BUD13: variants seen among roughly 807,000 people sequenced by gnomAD.
BUD13 encodes BUD13 homolog.
Under a neutral mutation model 62.5 loss-of-function variants are expected in BUD13, and 47 were observed. The ratio of observed to expected loss-of-function variants is 0.75; its 90% CI spans 0.60 to 0.96. BUD13 has a LOEUF of 0.96. Among genes scored for constraint, BUD13 ranks in the 40% least tolerant of loss-of-function variants. BUD13 has a pLI of 0.00. For synonymous variants in BUD13, 293 were observed against 280.1 expected (o/e 1.05, Z -0.46); for missense variants, 821 against 790.9 (o/e 1.04, Z -0.46).
In BUD13 at chr11:116,759,130, A is replaced by T. The variant is rs774295403; in HGVS notation, c.1304T>A (p.Ile435Lys). Residue 435 changes from isoleucine (I) to lysine (K), a missense_variant, in exon 6 of 10, where the codon ATA (isoleucine) becomes AAA (lysine). Coordinates refer to ENST00000260210, the MANE Select transcript of BUD13 (RefSeq NM_032725.4). Reference protein sequence around the residue: ...GAKTGLVLTDIQREQQELKEQ... With the variant: ...GAKTGLVLTDKQREQQELKEQ... Reference sequence around the variant, plus strand: ...CTTGAGCTCCTGCTGTTCTCGCTGTATGTCAGTTAACACCAACCCAGTTTT... The same window carrying T: ...CTTGAGCTCCTGCTGTTCTCGCTGTTTGTCAGTTAACACCAACCCAGTTTT... 3.5e-5 allele frequency: 57 copies of T among 1,613,952 alleles called. No homozygotes were observed. Among genetic ancestry groups the T allele is most frequent in the Non-Finnish European group, 4.6e-5 (54 of 1,180,024 alleles).
At chr11:116,759,293 A>C in intron 5 of BUD13, 114 bp from the exon 6 acceptor site, 2 of 663,146 alleles carry the variant, frequency 3.0e-6, no homozygotes, top group Non-Finnish European at 5.4e-6. Context: ...TAAACCTAAA[A>C]CTCTAGCTTT....
intron 2 of BUD13, among the ~76,000 whole-genome samples, chr11:116,766,461 A>G (rs1458588862): frequency 6.6e-6 from 1 of 152,144 alleles, no homozygotes; most frequent in Non-Finnish European, 1.5e-5. Flanking sequence ...TCTTCATATA[A>G]CCCAGTTTTG....
rs113542136 is a variant in BUD13 at position 116,760,838 on chromosome 11, C to T, written c.1151G>A (p.Arg384Gln). Residue 384 changes from arginine (R) to glutamine (Q), a missense_variant, in exon 5 of 10, where the codon CGG (arginine) becomes CAG (glutamine). Transcript: ENST00000260210. ...TGGAGAGAGGTCAGAATCAGAGCTC[C>T]GGTGTCTAGGTCTATTCCGTGGAGG... ...LSPPRNRPRHRSSDSDLSPPR... is the reference protein window; with the variant it reads ...LSPPRNRPRHQSSDSDLSPPR... 2.4e-5 allele frequency: 38 copies of T among 1,614,086 alleles called. No homozygotes were observed. In the Admixed American group the frequency reaches 2.5e-4, roughly 11 times the overall value.
Position 116,748,449 on chromosome 11 carries a change from C to A in BUD13, c.*33G>T. On this transcript the variant is annotated 3_prime_UTR_variant, in exon 10 of 10. Transcript: ENST00000260210. The stretch of plus-strand genomic sequence containing the variant: ...ATATCTCGCTGCCTATGCCCACTAC[C>A]ACAGCCCAGCCACCCCCACAGCCTC... 1.2e-6 allele frequency: 2 copies of A among 1,601,488 alleles called. No individual in the cohort carries two copies. Among genetic ancestry groups the A allele is most frequent in the Non-Finnish European group, 1.7e-6 (2 of 1,168,500 alleles).
At chr11:116,752,691 CG>C (rs1940258153) in intron 9 of BUD13, among the ~76,000 whole-genome samples, 1 of 152,168 alleles carries the variant, frequency 6.6e-6, no homozygotes, top group African/African-American at 2.4e-5. Context: ...GAACTGCAAA[CG>C]GAACTAGTAA....
rs1940368351 is a variant in BUD13 at position 116,758,318 on chromosome 11, C to T, written c.1450G>A (p.Ala484Thr). The T allele has an allele frequency of 6.2e-7, 1 of 1,614,206 alleles. No homozygotes were observed. The highest frequency in any genetic ancestry group is 8.5e-7 in the Non-Finnish European group (1 of 1,180,046). ...KLERLEQRRK[A>T]EKDSERDELY... ...TCATCTCTCTCTGAGTCCTTTTCTG[C>T]TTTCCTCCTTTGCTCTAAACGTTCG... is the stretch of plus-strand genomic sequence containing the variant. Residue 484 changes from alanine to threonine, a missense_variant, in exon 7 of 10, where the codon GCA (alanine) becomes ACA (threonine). By Grantham distance (58) the Ala-to-Thr change is moderately conservative. Coordinates refer to ENST00000260210, the MANE Select transcript of BUD13 (RefSeq NM_032725.4).
Position 116,763,096 on chromosome 11 carries a change from G to A in BUD13, c.493C>T (p.Leu165Phe). ...TCTGAGTCATGACGAGCCCCTCTGA[G>A]GGGAGAAGGATCCGGGGTGTCATGA... ...ARHDTPDPSP[L>F]RGARHDSDTS... The change falls in exon 4 of 10, where the codon CTC (leucine) becomes TTC (phenylalanine). Residue 165 changes from leucine (L) to phenylalanine (F), a missense_variant. By Grantham distance (22) the Leu-to-Phe change is conservative (BLOSUM62 0). Around this residue, in one of 2 missense-constraint regions of BUD13, gnomAD observed 800 missense variants for 739.2 expected, o/e 1.08. Coordinates refer to ENST00000260210, the MANE Select transcript of BUD13 (RefSeq NM_032725.4). 2 of 1,580,836 alleles carry A rather than the reference G, an allele frequency of 1.3e-6. No homozygotes were observed. Among genetic ancestry groups the A allele is most frequent in the Non-Finnish European group, 1.7e-6 (2 of 1,157,526 alleles).
At chr11:116,748,674 A>G in intron 9 of BUD13, 99 bp from the exon 10 acceptor site, 1 of 1,215,660 alleles carries the variant, frequency 8.2e-7, no homozygotes, top group Non-Finnish European at 1.2e-6. Context: ...AAGGGGGGAA[A>G]GTAAGGAGTC....
intron 7 of BUD13, 150 bp from the exon 8 acceptor site, chr11:116,758,100 T>C: frequency 7.2e-7 from 1 of 1,394,882 alleles, no homozygotes; most frequent in Non-Finnish European, 9.8e-7. Context: ...GAATACCCAC[T>C]AGAAGCGTGG....
Position 116,750,775 on chromosome 11 carries a change from G to A in BUD13, c.1767-2200C>T, listed in dbSNP as rs530116557. On this transcript the variant is annotated intron_variant, in intron 9 of 9. Transcript: ENST00000260210. Reference sequence around the variant, plus strand: ...ATGCAGAGCTGTTTTTAATCCTTCCGTGTCTCCCCTTTACCTCTAGGGTGA... The same window carrying A: ...ATGCAGAGCTGTTTTTAATCCTTCCATGTCTCCCCTTTACCTCTAGGGTGA... 1.1e-4 allele frequency among the ~76,000 whole-genome samples: 16 copies of A among 152,100 alleles called. No homozygotes were observed. In the East Asian group the frequency reaches 1.4e-3, roughly 13 times the overall value.
At chr11:116,757,620 A>G (rs1285970930) in intron 8 of BUD13, 146 bp downstream of exon 8, 1 of 1,114,980 alleles carries the variant, frequency 9.0e-7, no homozygotes, top group Non-Finnish European at 1.3e-6. Context: ...TTTATATAGA[A>G]AGACCAATTG....
At chr11:116,768,467 T>C (rs761753961) in intron 2 of BUD13, among the ~76,000 whole-genome samples, 7 of 152,164 alleles carry the variant, frequency 4.6e-5, no homozygotes, top group Non-Finnish European at 8.8e-5. Flanking sequence ...GAGATATGCA[T>C]CCAAGTATTA....
At chr11:116,753,034 C>T (rs142203525) in intron 9 of BUD13, among the ~76,000 whole-genome samples, 12 of 152,230 alleles carry the variant, frequency 7.9e-5, no homozygotes, top group African/African-American at 2.9e-4. Flanking sequence ...AACAGACTAA[C>T]CTATCCTCAG....
At chr11:116,757,669 AT>A (rs1940353328) in intron 8 of BUD13, 96 bp downstream of exon 8, 1 of 1,326,300 alleles carries the variant, frequency 7.5e-7, no homozygotes, top group African/African-American at 1.5e-5. Context: ...AATTTAAATT[AT>A]TTGGGAAATC....
rs151080037 is a variant in BUD13 at position 116,770,843 on chromosome 11, G to C, written c.144-621C>G. Among the ~76,000 whole-genome samples the C allele has an allele frequency of 3.5e-4, 53 of 152,016 alleles. No individual in the cohort carries two copies. In the East Asian group the frequency reaches 9.1e-3, roughly 26 times the overall value. ...GGGTCTCACACTGCTGCCCAGGCTGGAGTGCAGGGACACCATCATGGCTCC... is the reference window on the plus strand; with the variant it reads ...GGGTCTCACACTGCTGCCCAGGCTGCAGTGCAGGGACACCATCATGGCTCC... On this transcript the variant is annotated intron_variant, in intron 1 of 9. Coordinates refer to ENST00000260210, the MANE Select transcript of BUD13 (RefSeq NM_032725.4).
Position 116,770,149 on chromosome 11 carries a change from C to A in BUD13, c.217G>T (p.Asp73Tyr), listed in dbSNP as rs758106000. The A allele has an allele frequency of 1.2e-6, 2 of 1,612,812 alleles. No individual in the cohort carries two copies. The highest frequency in any genetic ancestry group is 1.7e-6 in the Non-Finnish European group (2 of 1,179,444). The change falls in exon 2 of 10, where the codon GAT (aspartate) becomes TAT (tyrosine). Residue 73 changes from aspartate (D) to tyrosine (Y), a missense_variant. Physicochemically the swap from Asp to Tyr is radical, Grantham distance 160. Transcript: ENST00000260210. ...CATACCACAGGCAAATCTCCATCAT[C>A]TTCCTCTTCCTCCTTTTCTAGTTTG... ...TTKLEKEEEE[D>Y]DGDLPVVAEF...
chr11:116,766,034 ATCCCTTCC>A (rs1487405805), intron 2 of BUD13, among the ~76,000 whole-genome samples: 4 of 152,196 alleles, frequency 2.6e-5, no homozygotes, highest in Non-Finnish European at 5.9e-5. Context: ...CACTCGCCCA[ATCCCTTCC>A]TGACAAGGAA....
rs745925613 is a variant in BUD13, at chr11:116,772,965, G to A, written c.-1C>T. The A allele has an allele frequency of 1.9e-6, 3 of 1,547,174 alleles. No homozygotes were observed. The highest frequency in any genetic ancestry group is 1.2e-5 in the South Asian group (1 of 85,746). On this transcript the variant is annotated 5_prime_UTR_variant, in exon 1 of 10. Coordinates refer to ENST00000260210, the MANE Select transcript of BUD13 (RefSeq NM_032725.4). ...TGGAAAGCGGCGGAGCTGCCGCCATGGCAGCGGCGGGGGCAGAGAGACGGG... is the reference window on the plus strand; with the variant it reads ...TGGAAAGCGGCGGAGCTGCCGCCATAGCAGCGGCGGGGGCAGAGAGACGGG...
In BUD13 at chr11:116,757,857, C is replaced by G; in HGVS notation, c.1593G>C (p.Leu531=). 1 of 1,614,156 alleles carries G rather than the reference C, an allele frequency of 6.2e-7. No individual in the cohort carries two copies. Residue 531 remains leucine (L), a synonymous_variant, in exon 8 of 10, where the codon CTG becomes CTC. Coordinates refer to ENST00000260210, the MANE Select transcript of BUD13 (RefSeq NM_032725.4). ...PLARYIDDED[L]DRMLREQERE... is the part of the protein sequence containing the mutation. ...TTTCCTGTTCTCTTAGCATCCTATC[C>G]AGATCTTCGTCATCAATATAGCGGG...
Sources: allele counts gnomAD v4.1 joint callset (sites outside exome capture counted in the v4.1 genomes callset), GRCh38; gene constraint gnomAD v4.1.1; regional missense constraint gnomAD v4.1.1; transcripts MANE v1.5; gene names NCBI Gene and HGNC (gene_info 2026-07-23, HGNC 2026-07-21).